Variants in BDH1 observed in about 807,000 individuals in gnomAD.
BDH1 encodes the protein D-beta-hydroxybutyrate dehydrogenase, mitochondrial.
A neutral mutation model predicts 33.1 loss-of-function variants in BDH1; 30 were observed. The ratio of observed to expected loss-of-function variants is 0.91; its 90% CI spans 0.68 to 1.23. BDH1 has a LOEUF of 1.23. Ranked by LOEUF, BDH1 falls within the 50% of genes most tolerant of loss-of-function variation. The pLI, the probability that BDH1 is intolerant of heterozygous loss-of-function variation, is 0.00. For synonymous variants in BDH1, 190 were observed against 183.6 expected (o/e 1.03, Z -0.28); for missense variants, 443 against 464.4 (o/e 0.95, Z 0.42).
In BDH1 at chr3:197,511,646, A is replaced by C; in HGVS notation, c.*249T>G. ...AATCTCTGTATGAAATTATCTCCGG[A>C]GAGATAGATTCACCATGTTTGCCCT... On this transcript the variant is annotated 3_prime_UTR_variant, in exon 8 of 8. Coordinates refer to ENST00000392379, the MANE Select transcript of BDH1 (RefSeq NM_203314.3). 2.3e-6 allele frequency: 1 copy of C among 437,754 alleles called. No homozygotes were observed. The allele number at this position is 437,754 out of a possible 1,614,324, so 27.1% of individuals were successfully genotyped here.
rs906172556 is a variant in BDH1, at chr3:197,520,985, C to T, written c.409+1655G>A. Among the ~76,000 whole-genome samples, 1 of 152,104 alleles carries T rather than the reference C, an allele frequency of 6.6e-6. No homozygotes were observed. The highest frequency in any genetic ancestry group is 1.5e-5 in the Non-Finnish European group (1 of 67,998). ...GAGACAGGCAGAGGAGCGGCATCAC[C>T]GACAGCCACACACGCAGCCTCTGAG... On this transcript the variant is annotated intron_variant, in intron 6 of 7. Coordinates refer to ENST00000392379, the MANE Select transcript of BDH1 (RefSeq NM_203314.3). This position sits in a 1 kb window ranked among gnomAD's most constrained non-coding sequence, Gnocchi z 6.0.
intron 1 of BDH1, among the ~76,000 whole-genome samples, chr3:197,572,327 G>A (rs1397978855): frequency 6.6e-6 from 1 of 152,142 alleles, no homozygotes; most frequent in African/African-American, 2.4e-5. Context: ...CCAAAGGAAG[G>A]CCTTCAGGAC....
chr3:197,563,158 T>G (rs1256947557), intron 1 of BDH1, among the ~76,000 whole-genome samples: 1 of 152,244 alleles, frequency 6.6e-6, no homozygotes, highest in Non-Finnish European at 1.5e-5. Context: ...ATGTATGTAT[T>G]TGAAGGCCTT....
intron 6 of BDH1, among the ~76,000 whole-genome samples, chr3:197,519,130 G>A (rs1339468042): frequency 6.6e-6 from 1 of 151,514 alleles, no homozygotes; most frequent in Non-Finnish European, 1.5e-5. Flanking sequence ...CTGCTCTGTG[G>A]TCTCCATCCC....
intron 6 of BDH1, among the ~76,000 whole-genome samples, chr3:197,518,945 A>C (rs1319101008): frequency 3.9e-5 from 1 of 25,400 alleles, no homozygotes; most frequent in Non-Finnish European, 6.6e-5. Flanking sequence ...TATGGTCTCC[A>C]TCCCCCCCTC....
intron 2 of BDH1, among the ~76,000 whole-genome samples, chr3:197,552,893 C>A (rs995961412): frequency 6.6e-6 from 1 of 152,162 alleles, no homozygotes; most frequent in African/African-American, 2.4e-5. Flanking sequence ...TACAGCAGTG[C>A]CCTGCACACA....
Position 197,520,362 on chromosome 3 carries a change from G to A in BDH1, c.409+2278C>T, listed in dbSNP as rs183226738. On this transcript the variant is annotated intron_variant, in intron 6 of 7. Coordinates refer to ENST00000392379, the MANE Select transcript of BDH1 (RefSeq NM_203314.3). The surrounding 1 kb of genome is among the most constrained non-coding windows in gnomAD (Gnocchi z 6.0). ...CATCCAGCCCTCCGGAATGCCCGGC[G>A]TGGGAAAAGCAGCAGGGAAAGGTCT... 5.9e-5 allele frequency among the ~76,000 whole-genome samples: 9 copies of A among 152,336 alleles called. No individual in the cohort carries two copies. The highest frequency in any genetic ancestry group is 2.1e-4 in the South Asian group (1 of 4,826).
At position 197,532,539 on chromosome 3, in the gene BDH1, G is replaced by A. The variant is rs755250586; in HGVS notation, c.157-17C>T. 1 of 1,602,178 alleles carries A rather than the reference G, an allele frequency of 6.2e-7. No individual in the cohort carries two copies. Among genetic ancestry groups the A allele is most frequent in the East Asian group, 2.2e-5 (1 of 44,836 alleles). ...GCTGCCAACCTGTTTTACAAGGTCA[G>A]ATTCCATGTTAGGAACCGGTGGTAC... is the stretch of plus-strand genomic sequence containing the variant. On this transcript the variant is annotated splice_polypyrimidine_tract_variant and intron_variant, in intron 4 of 7. Coordinates refer to ENST00000392379, the MANE Select transcript of BDH1 (RefSeq NM_203314.3).
At chr3:197,566,211 G>A (rs954860144) in intron 1 of BDH1, among the ~76,000 whole-genome samples, 26 of 152,192 alleles carry the variant, frequency 1.7e-4, no homozygotes, top group African/African-American at 5.5e-4. Context: ...TTTGTAACAG[G>A]ACACAATTGG....
chr3:197,530,977 GA>G (rs1714589276), intron 5 of BDH1, among the ~76,000 whole-genome samples: 1 of 152,088 alleles, frequency 6.6e-6, no homozygotes, highest in South Asian at 2.1e-4. Context: ...TACATATTCA[GA>G]AATTAAATTA....
At chr3:197,568,391 A>G (rs1320267309) in intron 1 of BDH1, among the ~76,000 whole-genome samples, 11 of 152,010 alleles carry the variant, frequency 7.2e-5, no homozygotes, top group Admixed American at 6.6e-4. Flanking sequence ...GAAGCCCAGT[A>G]TATTATTCTA....
chr3:197,529,221 A>G (rs972533554), intron 5 of BDH1: 1 of 152,164 alleles, frequency 6.6e-6, no homozygotes, highest in African/African-American at 2.4e-5. Flanking sequence ...TTTCACATCT[A>G]CGAAATGTTC....
At chr3:197,557,662 A>G (rs1270484536), upstream of BDH1, among the ~76,000 whole-genome samples, 2 of 152,238 alleles carry the variant, frequency 1.3e-5, no homozygotes, top group Non-Finnish European at 2.9e-5. This position sits in a 1 kb window ranked among gnomAD's most constrained non-coding sequence, Gnocchi z 4.6. Flanking sequence ...GGTTGCAGTG[A>G]GCTGAGATGG....
chr3:197,567,965 T>C (rs1013047243), intron 1 of BDH1, among the ~76,000 whole-genome samples: 1 of 152,160 alleles, frequency 6.6e-6, no homozygotes, highest in Admixed American at 6.5e-5. Context: ...TTCTCTCCTG[T>C]CTGTTTGCCT....
intron 6 of BDH1, among the ~76,000 whole-genome samples, chr3:197,519,101 TC>T (rs779292236): frequency 5.3e-4 from 63 of 118,830 alleles, no homozygotes; most frequent in Non-Finnish European, 9.6e-4. Context: ...CTCAGGTGGA[TC>T]CCCCCATCAG....
At chr3:197,545,308 G>T (rs1340524682) in intron 3 of BDH1, among the ~76,000 whole-genome samples, 1 of 152,154 alleles carries the variant, frequency 6.6e-6, no homozygotes, top group Non-Finnish European at 1.5e-5. Context: ...CTTATATAAT[G>T]CTTCCTCGAA....
intron 3 of BDH1, chr3:197,538,517 A>C (rs1194026613): frequency 2.7e-6 from 1 of 373,164 alleles, no homozygotes; most frequent in Admixed American, 3.2e-5. Context: ...ACACCTGGCC[A>C]ATTTTTGTAT....
chr3:197,535,144 C>A lies in BDH1; in HGVS notation c.84-1583G>T, dbSNP rs571056065. Among the ~76,000 whole-genome samples, 32 of 146,366 alleles carry A rather than the reference C, an allele frequency of 2.2e-4. 1 individual carries two copies. The highest frequency in any genetic ancestry group is 4.4e-5 in the Non-Finnish European group (3 of 68,002). On this transcript the variant is annotated intron_variant, in intron 3 of 7. Coordinates refer to ENST00000392379, the MANE Select transcript of BDH1 (RefSeq NM_203314.3). ...GGGCCCCTGCCTCCTAATACCAATA[C>A]CTTGGGGGTTAGGATTTCAACACAG...
At chr3:197,512,659 G>T (rs558043806) in intron 7 of BDH1, among the ~76,000 whole-genome samples, 2 of 152,368 alleles carry the variant, frequency 1.3e-5, no homozygotes, top group East Asian at 3.9e-4. Flanking sequence ...GCCCGATGCG[G>T]TGATAATTTG....
Sources: allele counts gnomAD v4.1 joint callset (sites outside exome capture counted in the v4.1 genomes callset), GRCh38; gene constraint gnomAD v4.1.1; non-coding constraint Gnocchi (gnomAD v3.1); transcripts MANE v1.5; gene names NCBI Gene and HGNC (gene_info 2026-07-23, HGNC 2026-07-21).